Variants in RERG observed in about 807,000 individuals in gnomAD.
RERG encodes ras-related and estrogen-regulated growth inhibitor.
RERG carries 25 observed loss-of-function variants against 23.2 expected under a neutral mutation model. The observed-to-expected ratio is 1.08, with a 90% CI of 0.79 to 1.50. The LOEUF (loss-of-function observed/expected upper bound fraction) is 1.50, where lower values mean the gene tolerates loss of function less well. Among genes scored for constraint, RERG ranks in the 40% most tolerant of loss-of-function variants. The probability of loss-of-function intolerance (pLI) is 0.00; values close to 1 mark genes in which losing one functional copy is unlikely to be tolerated. For missense variants in RERG, 253 were observed against 250.1 expected (o/e 1.01, Z -0.08); for synonymous variants, 81 against 89.1 (o/e 0.91, Z 0.51).
intron 2 of RERG, among the ~76,000 whole-genome samples, chr12:15,152,677 A>G (rs1864462076): frequency 6.6e-6 from 1 of 152,210 alleles, no homozygotes; most frequent in South Asian, 2.1e-4. Context: ...GTGGTTTCGC[A>G]TGGACTAGGA....
intron 2 of RERG, among the ~76,000 whole-genome samples, chr12:15,208,250 ATG>A (rs146084360): frequency 6.6e-5 from 10 of 151,758 alleles, no homozygotes; most frequent in South Asian, 4.2e-4. Context: ...GAATGAATGA[ATG>A]TGTGTGTGTG....
At chr12:15,119,450 A>C (rs2136087343) in intron 3 of RERG, among the ~76,000 whole-genome samples, 1 of 152,338 alleles carries the variant, frequency 6.6e-6, no homozygotes, top group East Asian at 1.9e-4. Flanking sequence ...ATACAGCAAT[A>C]AAAAATTTGT....
At chr12:15,118,993 A>AT (rs1308906910) in intron 3 of RERG, among the ~76,000 whole-genome samples, 1 of 152,160 alleles carries the variant, frequency 6.6e-6, no homozygotes, top group East Asian at 1.9e-4. Flanking sequence ...GGAAATGCTC[A>AT]TTTCCCTTGA....
intron 4 of RERG, 164 bp downstream of exon 4, chr12:15,111,180 G>T: frequency 1.8e-6 from 1 of 560,286 alleles, no homozygotes; most frequent in East Asian, 2.9e-5. Flanking sequence ...TGAATATACA[G>T]ATATTTACAA....
intron 2 of RERG, among the ~76,000 whole-genome samples, chr12:15,209,427 A>T (rs905828319): frequency 3.9e-5 from 6 of 152,200 alleles, no homozygotes; most frequent in Non-Finnish European, 7.3e-5. Context: ...TCATTATTAG[A>T]TCATAAGGAC....
intron 2 of RERG, among the ~76,000 whole-genome samples, chr12:15,181,901 C>T (rs978234260): frequency 6.6e-6 from 1 of 152,114 alleles, no homozygotes; most frequent in African/African-American, 2.4e-5. Context: ...ATAGAGCAAA[C>T]TCTGGGAGAA....
At chr12:15,218,413 TG>T (rs1865471777) in intron 1 of RERG, among the ~76,000 whole-genome samples, 1 of 151,308 alleles carries the variant, frequency 6.6e-6, no homozygotes, top group Non-Finnish European at 1.5e-5. Context: ...TTGGTGGTGG[TG>T]GGGGCTGGAG....
intron 2 of RERG, among the ~76,000 whole-genome samples, chr12:15,136,013 C>T (rs1864138909): frequency 6.6e-6 from 1 of 152,018 alleles, no homozygotes; most frequent in African/African-American, 2.4e-5. Context: ...CACTAGTGAA[C>T]CCATCTGGGC....
chr12:15,143,339 C>T (rs55725961), intron 2 of RERG, among the ~76,000 whole-genome samples: 204 of 18,256 alleles, frequency 0.011, no homozygotes, highest in Non-Finnish European at 0.023. Context: ...TAAATATATA[C>T]ATACACACAT....
At chr12:15,123,864 T>C (rs553846832) in intron 2 of RERG, among the ~76,000 whole-genome samples, 3 of 152,050 alleles carry the variant, frequency 2.0e-5, no homozygotes, top group Non-Finnish European at 1.5e-5. Context: ...TAGTTACTGT[T>C]GAGTCTCTGC....
At chr12:15,121,007 T>C (rs1396243396) in intron 3 of RERG, 56 bp downstream of exon 3, 34 of 1,236,106 alleles carry the variant, frequency 2.8e-5, no homozygotes, top group Non-Finnish European at 3.9e-5. Flanking sequence ...ACATTATTCT[T>C]TCTTTGGGGC....
chr12:15,166,535 GTGGTGGTAGTGGTGTTGGTGGTGGTGT>G (rs1402102004), intron 2 of RERG, among the ~76,000 whole-genome samples: 6 of 151,218 alleles, frequency 4.0e-5, no homozygotes, highest in Admixed American at 6.6e-5. Context: ...GGTGGTGGTG[GTGGTGGTAGTGGTGTTGGTGGTGGTGT>G]TGGTGGTGGT....
intron 2 of RERG, among the ~76,000 whole-genome samples, chr12:15,168,173 G>A (rs2136119728): frequency 6.6e-6 from 1 of 152,288 alleles, no homozygotes; most frequent in East Asian, 1.9e-4. Flanking sequence ...AGATTTATGT[G>A]CTGTTTTCAA....
At position 15,217,578 on chromosome 12, in the gene RERG, T is replaced by G; in HGVS notation, c.-89A>C. 3.2e-6 allele frequency: 3 copies of G among 928,706 alleles called. No homozygotes were observed. Among genetic ancestry groups the G allele is most frequent in the Non-Finnish European group, 5.3e-6 (3 of 561,182 alleles). 57.5% of individuals were successfully genotyped at this position (928,706 alleles called of 1,614,324 possible). A position where few individuals can be genotyped will look rare whatever the true frequency, so the allele number is the denominator to read the frequency against. On this transcript the variant is annotated 5_prime_UTR_variant, in exon 2 of 5. Coordinates refer to ENST00000256953, the MANE Select transcript of RERG (RefSeq NM_032918.3). ...CCAGTCTTTGGATTCACCATATCAT[T>G]GTGAATCTTGGAAGAGTCCACAATC...
rs1393389180 is a variant in RERG, at chr12:15,111,427, T to C, written c.119-10A>G. The C allele has an allele frequency of 3.1e-6, 5 of 1,597,446 alleles. No homozygotes were observed. The South Asian group carries it at 5.7e-5, about 18-fold the overall frequency. On this transcript the variant is annotated splice_polypyrimidine_tract_variant and intron_variant, in intron 3 of 4. Coordinates refer to ENST00000256953, the MANE Select transcript of RERG (RefSeq NM_032918.3). ...TGTCGGTAGGTTGATTCTAAGGGAA[T>C]GAGCAAATAAAAAAGACAAAAAGAT...
chr12:15,131,715 C>G (rs1864051202), intron 2 of RERG, among the ~76,000 whole-genome samples: 1 of 152,136 alleles, frequency 6.6e-6, no homozygotes, highest in Admixed American at 6.5e-5. Context: ...TAGGATCTTA[C>G]AAGTTACTCT....
At chr12:15,168,378 C>A (rs982017709) in intron 2 of RERG, among the ~76,000 whole-genome samples, 4 of 152,164 alleles carry the variant, frequency 2.6e-5, no homozygotes, top group Admixed American at 6.5e-5. Flanking sequence ...TTACTGGTTC[C>A]AGGACCTTGA....
chr12:15,182,812 A>G (rs1864942180), intron 2 of RERG, among the ~76,000 whole-genome samples: 1 of 152,122 alleles, frequency 6.6e-6, no homozygotes, highest in Non-Finnish European at 1.5e-5. Flanking sequence ...TGGTGGCTTA[A>G]GACTATAATC....
chr12:15,110,938 T>G (rs1863603001), intron 4 of RERG: 1 of 157,154 alleles, frequency 6.4e-6, no homozygotes, highest in Admixed American at 6.4e-5. Flanking sequence ...CAATATATAC[T>G]AAATCTCTTT....
Sources: gnomAD v4.1 joint callset for allele counts (sites outside exome capture counted in the v4.1 genomes callset) on GRCh38, gnomAD v4.1.1 for gene constraint, MANE v1.5 for transcripts, NCBI Gene and HGNC (gene_info 2026-07-23, HGNC 2026-07-21) for gene names.